The following DYNAP variants were observed in gnomAD, a reference collection of about 807,000 sequenced individuals.
The protein encoded by DYNAP is dynactin-associated protein.
In DYNAP, 7 loss-of-function variants were observed where a neutral mutation model predicts 8.5. The observed-to-expected ratio is 0.82, with a 90% CI of 0.47 to 1.54. DYNAP has a LOEUF of 1.54. Ranked by LOEUF, DYNAP falls within the 40% of genes most tolerant of loss-of-function variation. The probability of loss-of-function intolerance (pLI) is 0.01; values close to 1 mark genes in which losing one functional copy is unlikely to be tolerated. For synonymous variants in DYNAP, 77 were observed against 77.9 expected (o/e 0.99, Z 0.06); for missense variants, 256 against 224.3 (o/e 1.14, Z -0.90).
At chr18:54,593,715 A>T (rs1482751531) in intron 1 of DYNAP, among the ~76,000 whole-genome samples, 2 of 152,042 alleles carry the variant, frequency 1.3e-5, no homozygotes, top group Non-Finnish European at 2.9e-5. Context: ...GCTTGAGCCC[A>T]GGAGATCTAG....
At chr18:54,585,424 C>G (rs1394415721), upstream of DYNAP, among the ~76,000 whole-genome samples, 1 of 152,024 alleles carries the variant, frequency 6.6e-6, no homozygotes, top group Non-Finnish European at 1.5e-5. Flanking sequence ...CTAGCTTTTA[C>G]TCTACCTCCA....
chr18:54,595,213 T>A, intron 2 of DYNAP, 110 bp downstream of exon 2: 2 of 1,250,592 alleles, frequency 1.6e-6, no homozygotes, highest in Non-Finnish European at 2.1e-6. Context: ...TTCATTTATA[T>A]TTGTATTAAG....
the DYNAP span, among the ~76,000 whole-genome samples, chr18:54,578,149 A>C: frequency 6.6e-6 from 1 of 152,170 alleles, no homozygotes; most frequent in African/African-American, 2.4e-5. Context: ...GCTTGAAAGA[A>C]GGCAACTGGA....
intron 2 of DYNAP, among the ~76,000 whole-genome samples, chr18:54,597,040 G>A (rs999992033): frequency 6.6e-6 from 1 of 152,020 alleles, no homozygotes; most frequent in East Asian, 1.9e-4. Context: ...TCTATTCCTG[G>A]AAGATCTTGC....
chr18:54,590,067 T>C (rs1296786008), upstream of DYNAP, among the ~76,000 whole-genome samples: 1 of 152,154 alleles, frequency 6.6e-6, no homozygotes, highest in South Asian at 2.1e-4. Flanking sequence ...GAGTATTAAA[T>C]ACATTCACAA....
chr18:54,576,608 G>A, the DYNAP span, among the ~76,000 whole-genome samples: 1 of 151,232 alleles, frequency 6.6e-6, no homozygotes, highest in Non-Finnish European at 1.5e-5. Flanking sequence ...AGACCAGCCT[G>A]AGCAACATAG....
At chr18:54,576,623 A>G in the DYNAP span, among the ~76,000 whole-genome samples, 3 of 143,340 alleles carry the variant, frequency 2.1e-5, no homozygotes, top group Non-Finnish European at 1.5e-5. Context: ...ACATAGTGAG[A>G]CCTCATCTCT....
chr18:54,585,344 A>G (rs1215439051), upstream of DYNAP, among the ~76,000 whole-genome samples: 2 of 151,840 alleles, frequency 1.3e-5, no homozygotes, highest in African/African-American at 4.8e-5. Flanking sequence ...TTCAATTCAT[A>G]TTTTAAAATT....
rs1340466003 is a variant in DYNAP at position 54,598,410 on chromosome 18, C to G, written c.*265C>G. 5 of 415,766 alleles carry G rather than the reference C, an allele frequency of 1.2e-5. No individual in the cohort carries two copies. Among genetic ancestry groups the G allele is most frequent in the Non-Finnish European group, 1.7e-5 (4 of 229,530 alleles). The allele number at this position is 415,766 out of a possible 1,614,324, so 25.8% of individuals were successfully genotyped here. On this transcript the variant is annotated 3_prime_UTR_variant, in exon 3 of 3. Coordinates refer to ENST00000648945, the MANE Select transcript of DYNAP (RefSeq NM_173629.3). ...CCTTCAACTGAATCTGCAACCACTTCCACTTAACCTATAACTACTGTAACT... is the reference window on the plus strand; with the variant it reads ...CCTTCAACTGAATCTGCAACCACTTGCACTTAACCTATAACTACTGTAACT...
chr18:54,575,731 A>G, the DYNAP span, among the ~76,000 whole-genome samples: 2 of 151,966 alleles, frequency 1.3e-5, no homozygotes, highest in Non-Finnish European at 2.9e-5. Context: ...GAGCCATCGC[A>G]GGTACCTGGC....
rs1031514977 is a variant in DYNAP, at chr18:54,598,944, A to T, written c.*799A>T. 5 of 152,132 alleles carry T rather than the reference A, an allele frequency of 3.3e-5. No homozygotes were observed. Among genetic ancestry groups the T allele is most frequent in the African/African-American group, 1.2e-4 (5 of 41,438 alleles). 9.4% of individuals were successfully genotyped at this position (152,132 alleles called of 1,614,324 possible). ...CACAATCCTTTATCTTAACCTGAAC[A>T]TTCCTTTCCATGGATCTCAGGTCTT... is the stretch of plus-strand genomic sequence containing the variant. On this transcript the variant is annotated 3_prime_UTR_variant, in exon 3 of 3. Coordinates refer to ENST00000648945, the MANE Select transcript of DYNAP (RefSeq NM_173629.3).
upstream of DYNAP, among the ~76,000 whole-genome samples, chr18:54,586,768 G>A (rs927466170): frequency 2.6e-5 from 4 of 152,186 alleles, no homozygotes; most frequent in Non-Finnish European, 5.9e-5. Context: ...CATCAGAAAA[G>A]TGGGGATACT....
intron 1 of DYNAP, among the ~76,000 whole-genome samples, chr18:54,593,297 G>T (rs1004727010): frequency 6.6e-6 from 1 of 151,974 alleles, no homozygotes. Flanking sequence ...TGGTTGGTTG[G>T]CCAGTAATTT....
chr18:54,591,780 A>G (rs1911086528), intron 1 of DYNAP, among the ~76,000 whole-genome samples: 1 of 152,134 alleles, frequency 6.6e-6, no homozygotes, highest in East Asian at 1.9e-4. Flanking sequence ...TATTCCTAAG[A>G]AAGAAAACTT....
At chr18:54,592,397 T>G (rs1428033623) in intron 1 of DYNAP, among the ~76,000 whole-genome samples, 1 of 152,174 alleles carries the variant, frequency 6.6e-6, no homozygotes, top group East Asian at 1.9e-4. Flanking sequence ...TATATCTGGA[T>G]AGCTGACTAA....
the DYNAP span, among the ~76,000 whole-genome samples, chr18:54,578,190 A>G: frequency 6.6e-6 from 1 of 152,148 alleles, no homozygotes; most frequent in African/African-American, 2.4e-5. Context: ...CCTCTCATGG[A>G]CTGGCCCTGA....
chr18:54,591,062 T>C (rs1911050030), upstream of DYNAP: 1 of 745,168 alleles, frequency 1.3e-6, no homozygotes, highest in East Asian at 3.0e-5. Flanking sequence ...GAGGAAGTAC[T>C]GGTTTTCTTG....
At position 54,599,132 on chromosome 18, in the gene DYNAP, G is replaced by A. The variant is rs572869729; in HGVS notation, c.*987G>A. 2.0e-5 allele frequency: 3 copies of A among 152,190 alleles called. No homozygotes were observed. The highest frequency in any genetic ancestry group is 6.6e-5 in the Admixed American group (1 of 15,260). The allele number at this position is 152,190 out of a possible 1,614,324, so 9.4% of individuals were successfully genotyped here. On this transcript the variant is annotated 3_prime_UTR_variant, in exon 3 of 3. Transcript: ENST00000648945. ...CCCTAAAAATATATAAAACCAAACT[G>A]TACCTTAGCCACTTTGGACACATGT...
chr18:54,578,669 G>C, the DYNAP span, among the ~76,000 whole-genome samples: 212 of 152,214 alleles, frequency 1.4e-3, 2 homozygotes, highest in Middle Eastern at 0.017. Flanking sequence ...TGAATCTTTC[G>C]CCTGGTTTTA....
Sources: gnomAD v4.1 joint callset for allele counts (sites outside exome capture counted in the v4.1 genomes callset) on GRCh38, gnomAD v4.1.1 for gene constraint, MANE v1.5 for transcripts, NCBI Gene and HGNC (gene_info 2026-07-23, HGNC 2026-07-21) for gene names.